The following LRBA variants were observed in gnomAD, a reference collection of about 807,000 sequenced individuals.
LRBA encodes lipopolysaccharide-responsive and beige-like anchor protein.
A neutral mutation model predicts 330.0 loss-of-function variants in LRBA; 176 were observed. The observed-to-expected ratio is 0.53, with a 90% CI of 0.47 to 0.60. The LOEUF (loss-of-function observed/expected upper bound fraction) is 0.60. Ranked by LOEUF, LRBA falls within the 20% of genes least tolerant of loss-of-function variation. The pLI is 0.00. For missense variants in LRBA, 3,259 were observed against 3,444.8 expected (o/e 0.95, Z 1.35); for synonymous variants, 1,230 against 1,193.0 (o/e 1.03, Z -0.64).
At position 150,302,631 on chromosome 4, in the gene LRBA, G is replaced by A; in HGVS notation, c.8011C>T (p.Pro2671Ser). The A allele has an allele frequency of 6.2e-7, 1 of 1,601,942 alleles. No homozygotes were observed. The highest frequency in any genetic ancestry group is 8.5e-7 in the Non-Finnish European group (1 of 1,173,358). ...NGKCSGIGDN[P>S]GSETAAPRAI... is the part of the protein sequence containing the mutation. ...AAAAATGAGTCATACTTACTGCCTG[G>A]GTTATCTCCAATCCCACTGCATTTT... The change falls in exon 53 of 57, where the codon CCA becomes TCA. Residue 2671 changes from proline (P) to serine (S), a missense_variant. Physicochemically the swap from Pro to Ser is moderately conservative, Grantham distance 74. Coordinates refer to ENST00000651943, the MANE Select transcript of LRBA (RefSeq NM_001364905.1).
chr4:150,429,517 A>C (rs1750091162), intron 46 of LRBA, among the ~76,000 whole-genome samples: 1 of 152,132 alleles, frequency 6.6e-6, no homozygotes, highest in African/African-American at 2.4e-5. Context: ...GAAGACTGTA[A>C]GAATAGCTTT....
At chr4:150,841,996 A>G (rs1749156385) in intron 28 of LRBA, among the ~76,000 whole-genome samples, 1 of 152,114 alleles carries the variant, frequency 6.6e-6, no homozygotes, top group Non-Finnish European at 1.5e-5. Context: ...TTGTTCCCTA[A>G]AGAGACTAAA....
At chr4:150,792,535 G>A (rs1463140209) in intron 34 of LRBA, among the ~76,000 whole-genome samples, 1 of 152,028 alleles carries the variant, frequency 6.6e-6, no homozygotes, top group Non-Finnish European at 1.5e-5. Flanking sequence ...TTGAGACAGG[G>A]TCTTCCTCTG....
chr4:150,486,532 T>C (rs1757888648), intron 42 of LRBA, among the ~76,000 whole-genome samples: 2 of 151,972 alleles, frequency 1.3e-5, no homozygotes, highest in Admixed American at 1.3e-4. Context: ...TACTCAATTT[T>C]GATATATTCA....
At chr4:151,014,068 C>T (rs1056694115) in intron 2 of LRBA, 1 of 172,256 alleles carries the variant, frequency 5.8e-6, no homozygotes, top group Non-Finnish European at 1.2e-5. Context: ...AAAAAGGTCA[C>T]AAGAAATTAT....
chr4:150,922,414 A>ATATG (rs1339488370), intron 4 of LRBA, among the ~76,000 whole-genome samples: 1 of 149,450 alleles, frequency 6.7e-6, no homozygotes, highest in East Asian at 1.9e-4. Context: ...ATATATATAT[A>ATATG]TATGATGGAA....
rs1262541979 is a variant in LRBA, at chr4:150,817,299, T to C, written c.5172-42A>G. Reference sequence around the variant, plus strand: ...AAACAGACTGAAAGATACAAATTGATCTCTTGAATTAATTACATGAATTTC... The same window carrying C: ...AAACAGACTGAAAGATACAAATTGACCTCTTGAATTAATTACATGAATTTC... On this transcript the variant is annotated intron_variant, in intron 30 of 56. Transcript: ENST00000651943. 3.8e-6 allele frequency: 6 copies of C among 1,567,130 alleles called. No homozygotes were observed. In the Middle Eastern group the frequency reaches 5.0e-4, roughly 132 times the overall value.
intron 45 of LRBA, 144 bp from the exon 46 acceptor site, chr4:150,435,852 A>C: frequency 4.1e-6 from 2 of 489,578 alleles, no homozygotes; most frequent in South Asian, 8.2e-5. Flanking sequence ...ATTATATCTA[A>C]ATTATTACAT....
chr4:150,440,356 T>C (rs1751664783), intron 44 of LRBA, among the ~76,000 whole-genome samples: 1 of 151,760 alleles, frequency 6.6e-6, no homozygotes, highest in Non-Finnish European at 1.5e-5. Flanking sequence ...TTATAGAAGG[T>C]TTTCTTAACT....
intron 22 of LRBA, among the ~76,000 whole-genome samples, chr4:150,853,275 A>T (rs1450938319): frequency 2.0e-5 from 3 of 152,212 alleles, no homozygotes; most frequent in African/African-American, 7.2e-5. Flanking sequence ...AGTATGTACC[A>T]TTGGGAAGTG....
At chr4:150,971,120 T>C (rs1423524965) in intron 2 of LRBA, among the ~76,000 whole-genome samples, 3 of 152,230 alleles carry the variant, frequency 2.0e-5, no homozygotes, top group Non-Finnish European at 4.4e-5. Context: ...TATGTCGAAG[T>C]GTGCTCACTC....
intron 11 of LRBA, 76 bp downstream of exon 11, chr4:150,908,258 G>T: frequency 6.9e-7 from 1 of 1,449,558 alleles, no homozygotes; most frequent in East Asian, 2.4e-5. Flanking sequence ...AAACCTGAAA[G>T]GCAAAATATT....
rs1374193312 is a variant in LRBA, at chr4:150,583,278, G to A, written c.6330+4770C>T. Reference sequence around the variant, plus strand: ...AGGTGGTGCTCTACCTAAACCAGATGGGCGTCTTCAACTTCGTGGACGACG... The same window carrying A: ...AGGTGGTGCTCTACCTAAACCAGATAGGCGTCTTCAACTTCGTGGACGACG... On this transcript the variant is annotated intron_variant, in intron 40 of 56. Transcript: ENST00000651943. The surrounding 1 kb of genome is among the most constrained non-coding windows in gnomAD (Gnocchi z 9.8). 6.2e-7 allele frequency: 1 copy of A among 1,614,208 alleles called. No homozygotes were observed. Among genetic ancestry groups the A allele is most frequent in the Non-Finnish European group, 8.5e-7 (1 of 1,180,042 alleles).
At chr4:150,848,643 CCTT>C (rs1750191731) in intron 26 of LRBA, among the ~76,000 whole-genome samples, 172 bp downstream of exon 26, 2 of 151,850 alleles carry the variant, frequency 1.3e-5, no homozygotes, top group African/African-American at 4.8e-5. Flanking sequence ...AATACATCCT[CCTT>C]CTTGCCCATC....
Position 150,370,062 on chromosome 4 carries a change from C to T in LRBA, c.7195-19903G>A, listed in dbSNP as rs115619409. ...TCTCAACGCCTCCACTGTGATAACT[C>T]TATCTTAAAACTTACCAAAATACAT... On this transcript the variant is annotated intron_variant, in intron 47 of 56. Transcript: ENST00000651943. Among the ~76,000 whole-genome samples, 761 of 152,302 alleles carry T rather than the reference C, an allele frequency of 5.0e-3. 12 individuals are homozygous for T. Among genetic ancestry groups the T allele is most frequent in the Middle Eastern group, 0.044 (13 of 294 alleles).
intron 33 of LRBA, among the ~76,000 whole-genome samples, chr4:150,800,525 T>A (rs1741453142): frequency 6.6e-6 from 1 of 152,210 alleles, no homozygotes; most frequent in South Asian, 2.1e-4. Context: ...TCATCACATG[T>A]GCAAAAAAAC....
At position 150,753,731 on chromosome 4, in the gene LRBA, C is replaced by T. The variant is rs76630252; in HGVS notation, c.5645+8052G>A. Among the ~76,000 whole-genome samples, 704 of 152,132 alleles carry T rather than the reference C, an allele frequency of 4.6e-3. 6 individuals carry two copies. Among genetic ancestry groups the T allele is most frequent in the African/African-American group, 0.016 (668 of 41,496 alleles). ...AGGGGGTGAAAAAGCACAATTCAAA[C>T]GCAGCACCATTTTTTTACATAAATC... is the stretch of plus-strand genomic sequence containing the variant. On this transcript the variant is annotated intron_variant, in intron 35 of 56. Coordinates refer to ENST00000651943, the MANE Select transcript of LRBA (RefSeq NM_001364905.1).
chr4:150,706,868 C>A (rs1464866120), intron 36 of LRBA, among the ~76,000 whole-genome samples: 2 of 151,748 alleles, frequency 1.3e-5, no homozygotes, highest in East Asian at 3.9e-4. Flanking sequence ...TTTAAAACAA[C>A]ACTGAGAAAT....
chr4:150,564,000 C>T (rs952956051), intron 40 of LRBA, among the ~76,000 whole-genome samples: 3 of 152,152 alleles, frequency 2.0e-5, no homozygotes, highest in African/African-American at 7.2e-5. Context: ...CATCAAGCTA[C>T]CAATGACTTT....
Sources: gnomAD v4.1 joint callset for allele counts (sites outside exome capture counted in the v4.1 genomes callset) on GRCh38, gnomAD v4.1.1 for gene constraint, Gnocchi (gnomAD v3.1) non-coding constraint, MANE v1.5 for transcripts, NCBI Gene and HGNC (gene_info 2026-07-23, HGNC 2026-07-21) for gene names.